ARHGAP42: variants seen among roughly 807,000 people sequenced by gnomAD.
ARHGAP42 encodes rho GTPase-activating protein 42.
Under a neutral mutation model 125.0 loss-of-function variants are expected in ARHGAP42, and 63 were observed. The observed-to-expected ratio is 0.50, with a 90% confidence interval of 0.41 to 0.62. ARHGAP42 has a LOEUF of 0.62. Among genes scored for constraint, ARHGAP42 ranks in the 20% least tolerant of loss-of-function variants. ARHGAP42 has a pLI of 0.00. For missense variants in ARHGAP42, 766 were observed against 1,024.2 expected (o/e 0.75, Z 3.44); for synonymous variants, 339 against 351.0 (o/e 0.97, Z 0.38).
rs990072012 is a variant in ARHGAP42, at chr11:100,845,182, A to G, written c.313-14372A>G. Among the ~76,000 whole-genome samples the G allele has an allele frequency of 4.0e-5, 6 of 151,136 alleles. No individual in the cohort carries two copies. The East Asian group carries it at 9.6e-4, about 24-fold the overall frequency. The stretch of plus-strand genomic sequence containing the variant: ...GGAATACTACTCAGCCATAAAAAGA[A>G]GTGAATGGCATTGGCAGCAATCTGG... On this transcript the variant is annotated intron_variant, in intron 3 of 23. Transcript: ENST00000298815.
chr11:100,693,757 C>G (rs1232968493), intron 1 of ARHGAP42, among the ~76,000 whole-genome samples: 2 of 152,102 alleles, frequency 1.3e-5, no homozygotes, highest in Non-Finnish European at 2.9e-5. Context: ...CTTTCAGAGT[C>G]CAGGAAACAC....
intron 1 of ARHGAP42, among the ~76,000 whole-genome samples, chr11:100,730,131 T>A (rs1337020915): frequency 6.6e-6 from 1 of 152,114 alleles, no homozygotes; most frequent in Admixed American, 6.6e-5. Flanking sequence ...TAAGACTAAT[T>A]TGACGAAATA....
intron 8 of ARHGAP42, among the ~76,000 whole-genome samples, chr11:100,937,178 T>C (rs564769050): frequency 3.3e-5 from 5 of 152,232 alleles, no homozygotes; most frequent in East Asian, 1.9e-4. Flanking sequence ...ATGGACTTGA[T>C]GATAGAGGAA....
At chr11:100,892,335 G>C (rs1315899620) in intron 4 of ARHGAP42, among the ~76,000 whole-genome samples, 3 of 152,138 alleles carry the variant, frequency 2.0e-5, no homozygotes, top group Admixed American at 1.3e-4. Context: ...ATATAGAGAA[G>C]TCTGTTGTTC....
intron 1 of ARHGAP42, among the ~76,000 whole-genome samples, chr11:100,710,676 G>A (rs1861550839): frequency 6.6e-6 from 1 of 151,410 alleles, no homozygotes; most frequent in South Asian, 2.1e-4. Flanking sequence ...AAGTAGCTGG[G>A]ACCACAGGCA....
intron 1 of ARHGAP42, among the ~76,000 whole-genome samples, chr11:100,700,977 C>T (rs1296023097): frequency 1.3e-5 from 2 of 152,158 alleles, no homozygotes; most frequent in Non-Finnish European, 2.9e-5. Context: ...AAATGTATCT[C>T]TTAAATCATA....
chr11:100,940,738 A>G (rs1203478878), intron 8 of ARHGAP42, among the ~76,000 whole-genome samples: 2 of 152,182 alleles, frequency 1.3e-5, no homozygotes, highest in African/African-American at 2.4e-5. Context: ...AGAGTCTTAG[A>G]ACTTAGTGAA....
At chr11:100,944,276 A>T (rs1382315809) in intron 10 of ARHGAP42, among the ~76,000 whole-genome samples, 4 of 152,084 alleles carry the variant, frequency 2.6e-5, no homozygotes, top group African/African-American at 9.7e-5. Context: ...AGCTTCTTTC[A>T]GCCAACTAAG....
chr11:100,758,334 C>G (rs1162873649), intron 1 of ARHGAP42, among the ~76,000 whole-genome samples: 2 of 152,090 alleles, frequency 1.3e-5, no homozygotes, highest in African/African-American at 4.8e-5. Context: ...TGAGATGATA[C>G]TTTTTTGAAG....
chr11:100,926,361 T>C (rs921380545), intron 6 of ARHGAP42, among the ~76,000 whole-genome samples: 2 of 152,194 alleles, frequency 1.3e-5, no homozygotes, highest in Non-Finnish European at 2.9e-5. Flanking sequence ...AGAACCCAAA[T>C]CTGAAGTCAT....
At chr11:100,963,761 A>G (rs1259983432) in intron 16 of ARHGAP42, among the ~76,000 whole-genome samples, 6 of 152,208 alleles carry the variant, frequency 3.9e-5, no homozygotes, top group African/African-American at 1.2e-4. Flanking sequence ...TCAGGACACA[A>G]AGTGGGCAAG....
intron 1 of ARHGAP42, among the ~76,000 whole-genome samples, chr11:100,696,149 C>A (rs1861279079): frequency 6.6e-6 from 1 of 152,144 alleles, no homozygotes; most frequent in Non-Finnish European, 1.5e-5. Context: ...GATTGAAGAT[C>A]TGGAGGTTGA....
intron 2 of ARHGAP42, among the ~76,000 whole-genome samples, chr11:100,787,024 TC>T (rs1863452179): frequency 6.6e-6 from 1 of 152,038 alleles, no homozygotes; most frequent in Admixed American, 6.6e-5. Context: ...ACACCCGTAA[TC>T]CCAGCATTTT....
intron 3 of ARHGAP42, among the ~76,000 whole-genome samples, chr11:100,837,951 A>ATTTTATT (rs55861116): frequency 4.0e-5 from 6 of 150,558 alleles, no homozygotes; most frequent in Non-Finnish European, 7.4e-5. Flanking sequence ...ATTTTATTTT[A>ATTTTATT]CTAGGAGACA....
chr11:100,911,109 G>A (rs1265809404), intron 4 of ARHGAP42, among the ~76,000 whole-genome samples: 1 of 152,102 alleles, frequency 6.6e-6, no homozygotes, highest in Non-Finnish European at 1.5e-5. Context: ...AAGATGAAAG[G>A]GAGTCAGTTT....
At chr11:100,697,651 A>G (rs1861309874) in intron 1 of ARHGAP42, among the ~76,000 whole-genome samples, 1 of 152,190 alleles carries the variant, frequency 6.6e-6, no homozygotes, top group African/African-American at 2.4e-5. Context: ...ATACAGGAAA[A>G]GTGATGATTT....
intron 4 of ARHGAP42, among the ~76,000 whole-genome samples, chr11:100,911,999 C>T (rs181053959): frequency 1.2e-3 from 181 of 152,258 alleles, no homozygotes; most frequent in Non-Finnish European, 2.3e-3. Flanking sequence ...TAAAGCAGAA[C>T]CTGACTTACT....
At chr11:100,854,173 A>G (rs1217053839) in intron 3 of ARHGAP42, among the ~76,000 whole-genome samples, 1 of 152,190 alleles carries the variant, frequency 6.6e-6, no homozygotes, top group African/African-American at 2.4e-5. Flanking sequence ...TATTCTCCTG[A>G]GAGTGTATTG....
chr11:100,903,280 GA>G, intron 4 of ARHGAP42, among the ~76,000 whole-genome samples: 2 of 151,120 alleles, frequency 1.3e-5, no homozygotes, highest in Admixed American at 1.3e-4. Flanking sequence ...TTAGGAATAA[GA>G]AAAAAAATAC....
Sources: allele counts gnomAD v4.1 joint callset (sites outside exome capture counted in the v4.1 genomes callset), GRCh38; gene constraint gnomAD v4.1.1; transcripts MANE v1.5; gene names NCBI Gene and HGNC (gene_info 2026-07-23, HGNC 2026-07-21).